The following CNKSR2 variants were observed in gnomAD, a reference collection of about 807,000 sequenced individuals.
CNKSR2 encodes CNK homolog protein 2.
CNKSR2 carries 14 observed loss-of-function variants against 84.4 expected under a neutral mutation model. The observed-to-expected ratio is 0.17, with a 90% CI of 0.11 to 0.26. The LOEUF is 0.26. Among genes scored for constraint, CNKSR2 ranks in the 10% least tolerant of loss-of-function variants. The pLI is 1.00. For missense variants in CNKSR2, 485 were observed against 771.2 expected (o/e 0.63, Z 4.40); for synonymous variants, 275 against 277.9 (o/e 0.99, Z 0.10).
chrX:21,385,005 C>T (rs762711575), intron 1 of CNKSR2, among the ~76,000 whole-genome samples: 141 of 111,884 alleles, frequency 1.3e-3, no homozygotes, highest in Non-Finnish European at 2.2e-3. Flanking sequence ...TTGACGTCAA[C>T]TTTTCTCCTA....
At chrX:21,543,809 TTTTTC>T (rs1183256668) in intron 11 of CNKSR2, among the ~76,000 whole-genome samples, 5 of 111,975 alleles carry the variant, frequency 4.5e-5, no homozygotes, top group African/African-American at 1.6e-4. Context: ...AGAGTTCTTT[TTTTTC>T]TTTTCTTTTC....
chrX:21,426,992 T>C, intron 2 of CNKSR2: 1 of 226,448 alleles, frequency 4.4e-6, no homozygotes, highest in Non-Finnish European at 7.8e-6. Flanking sequence ...GGAAAGAATA[T>C]TGATTGACAG....
At chrX:21,504,658 G>C (rs762715141) in intron 8 of CNKSR2, 170 of 283,127 alleles carry the variant, frequency 6.0e-4, no homozygotes, top group African/African-American at 4.4e-3. Context: ...TTGCTAGTAT[G>C]GTATATCTTC....
At chrX:21,456,260 G>A (rs1248089469) in intron 4 of CNKSR2, among the ~76,000 whole-genome samples, 1 of 111,109 alleles carries the variant, frequency 9.0e-6, no homozygotes, top group South Asian at 3.8e-4. Context: ...CTTAGCAAAT[G>A]TCAAGCATGC....
At chrX:21,453,654 A>G in intron 4 of CNKSR2, among the ~76,000 whole-genome samples, 1 of 111,958 alleles carries the variant, frequency 8.9e-6, no homozygotes, top group Non-Finnish European at 1.9e-5. Flanking sequence ...CTAAAGCTGT[A>G]TTAGTCCATT....
At chrX:21,648,647 T>A (rs929013572) in intron 20 of CNKSR2, among the ~76,000 whole-genome samples, 184 bp from the exon 21 acceptor site, 1 of 110,582 alleles carries the variant, frequency 9.0e-6, no homozygotes, top group Non-Finnish European at 1.9e-5. Flanking sequence ...TGGGTTTTTG[T>A]TGTTGTTTTT....
At chrX:21,381,712 C>T (rs1230100565) in intron 1 of CNKSR2, among the ~76,000 whole-genome samples, 1 of 112,181 alleles carries the variant, frequency 8.9e-6, no homozygotes, top group Non-Finnish European at 1.9e-5. Context: ...ACCAAGTATG[C>T]AGGCTGCCTC....
intron 1 of CNKSR2, among the ~76,000 whole-genome samples, chrX:21,377,965 T>C (rs1293622339): frequency 8.9e-6 from 1 of 111,923 alleles, no homozygotes; most frequent in African/African-American, 3.2e-5. Context: ...GATGGAAATA[T>C]AAAATGTATA....
At chrX:21,477,243 TG>T (rs2091269170) in intron 5 of CNKSR2, among the ~76,000 whole-genome samples, 1 of 112,247 alleles carries the variant, frequency 8.9e-6, no homozygotes, top group East Asian at 2.8e-4. Flanking sequence ...GGTATGGCCT[TG>T]TATATGGCAC....
chrX:21,632,795 C>T (rs2147322832), intron 20 of CNKSR2, among the ~76,000 whole-genome samples: 1 of 111,198 alleles, frequency 9.0e-6, no homozygotes, highest in African/African-American at 3.3e-5. Context: ...GAACCTTGAT[C>T]ATAAGTATGC....
chrX:21,602,535 G>A (rs1008295932), intron 18 of CNKSR2, among the ~76,000 whole-genome samples: 1 of 111,674 alleles, frequency 9.0e-6, no homozygotes, highest in African/African-American at 3.3e-5. Context: ...CCCAAAACCA[G>A]TATGTCAGCA....
At chrX:21,530,041 T>C (rs2091871766) in intron 10 of CNKSR2, among the ~76,000 whole-genome samples, 1 of 110,806 alleles carries the variant, frequency 9.0e-6, no homozygotes, top group Non-Finnish European at 1.9e-5. Flanking sequence ...GTGCCACAAA[T>C]TCGTTAAGGC....
rs764878222 is a variant in CNKSR2, at chrX:21,382,859, C to G, written c.64+7898C>G. Among the ~76,000 whole-genome samples, 16 of 111,805 alleles carry G rather than the reference C, an allele frequency of 1.4e-4. No homozygotes were observed. In the East Asian group the frequency reaches 4.4e-3, roughly 31 times the overall value. ...CTTTAAAAACTAGATGTAAGTTTATCATTACTAATTTTTGAAGGGCACTTG... is the reference window on the plus strand; with the variant it reads ...CTTTAAAAACTAGATGTAAGTTTATGATTACTAATTTTTGAAGGGCACTTG... On this transcript the variant is annotated intron_variant, in intron 1 of 21. Transcript: ENST00000379510.
chrX:21,596,606 C>A (rs1293064899), intron 17 of CNKSR2, among the ~76,000 whole-genome samples: 1 of 110,221 alleles, frequency 9.1e-6, no homozygotes. Flanking sequence ...ACTAAATGAA[C>A]ACTTAATGTC....
intron 13 of CNKSR2, among the ~76,000 whole-genome samples, chrX:21,574,323 A>G (rs2092305329): frequency 9.0e-6 from 1 of 111,628 alleles, no homozygotes; most frequent in Non-Finnish European, 1.9e-5. Context: ...GGGTATCCTT[A>G]TAGCAGCACC....
chrX:21,424,992 A>G (rs779736637), intron 1 of CNKSR2: 2 of 111,804 alleles, frequency 1.8e-5, no homozygotes, highest in Admixed American at 9.5e-5. Flanking sequence ...CTATAAATCT[A>G]CCTGCATCTA....
chrX:21,508,011 T>C (rs1006421469), intron 8 of CNKSR2, among the ~76,000 whole-genome samples: 3 of 112,053 alleles, frequency 2.7e-5, no homozygotes, highest in African/African-American at 9.7e-5. Flanking sequence ...TGTAAATATC[T>C]TCATAAAAAA....
chrX:21,620,105 G>T (rs960056746), intron 20 of CNKSR2, among the ~76,000 whole-genome samples: 1 of 111,498 alleles, frequency 9.0e-6, no homozygotes, highest in South Asian at 3.8e-4. Context: ...AGGTAGGCAA[G>T]ATGTTTATCA....
In CNKSR2 at chrX:21,521,727, C is replaced by T. The variant is rs1399046683; in HGVS notation, c.957+5096C>T. The stretch of plus-strand genomic sequence containing the variant: ...TAATACATGTTTTAGGCATATATAT[C>T]TGTATTTTTAAGCCTAGGTAGATAT... On this transcript the variant is annotated intron_variant, in intron 9 of 21. Coordinates refer to ENST00000379510, the MANE Select transcript of CNKSR2 (RefSeq NM_014927.5). Among the ~76,000 whole-genome samples, 4 of 110,351 alleles carry T rather than the reference C, an allele frequency of 3.6e-5. No individual in the cohort carries two copies. The East Asian group carries it at 1.1e-3, about 32-fold the overall frequency.
Sources: gnomAD v4.1 joint callset for allele counts (sites outside exome capture counted in the v4.1 genomes callset) on GRCh38, gnomAD v4.1.1 for gene constraint, MANE v1.5 for transcripts, NCBI Gene and HGNC (gene_info 2026-07-23, HGNC 2026-07-21) for gene names.